Variants in MS4A13 observed in about 807,000 individuals in gnomAD.
The protein encoded by MS4A13 is membrane spanning 4-domains A13.
Under a neutral mutation model 18.4 loss-of-function variants are expected in MS4A13, and 21 were observed. That is an observed-to-expected ratio of 1.14 (90% confidence interval 0.81 to 1.64). The LOEUF (loss-of-function observed/expected upper bound fraction) is 1.64, where lower values mean the gene tolerates loss of function less well. Among genes scored for constraint, MS4A13 ranks in the 40% most tolerant of loss-of-function variants. The probability of loss-of-function intolerance (pLI) is 0.00; values close to 1 mark genes in which losing one functional copy is unlikely to be tolerated. For synonymous variants in MS4A13, 62 were observed against 57.2 expected, an observed-to-expected ratio of 1.08 and a Z score of -0.38; for missense variants, 173 against 176.8, an observed-to-expected ratio of 0.98 and a Z score of 0.12.
chr11:60,530,161 T>C (rs1299165723), intron 6 of MS4A13, among the ~76,000 whole-genome samples: 1 of 152,208 alleles, frequency 6.6e-6, no homozygotes, highest in East Asian at 1.9e-4. Flanking sequence ...TTCTCAAATA[T>C]TTACGGAGAG....
rs1334639396 is a variant in MS4A13 at position 60,542,620 on chromosome 11, T to A, written c.*45T>A. 1 of 1,228,634 alleles carries A rather than the reference T, an allele frequency of 8.1e-7. No homozygotes were observed. The highest frequency in any genetic ancestry group is 1.2e-6 in the Non-Finnish European group (1 of 844,536). The allele number at this position is 1,228,634 out of a possible 1,614,324, so 76.1% of individuals were successfully genotyped here. The stretch of plus-strand genomic sequence containing the variant: ...ATTTTGCTGTTGCTGATGCCTGGTG[T>A]GGGTCCTAATGATATCTCTGTATAA... On this transcript the variant is annotated 3_prime_UTR_variant, in exon 7 of 7. Coordinates refer to ENST00000378186, the MANE Select transcript of MS4A13 (RefSeq NM_001012417.3).
At chr11:60,527,402 C>CTGTGTGTGTG (rs1565212713) in intron 5 of MS4A13, among the ~76,000 whole-genome samples, 230 of 81,326 alleles carry the variant, frequency 2.8e-3, no homozygotes, top group African/African-American at 8.5e-3. Context: ...CTCTCTCTCT[C>CTGTGTGTGTG]TCTCTCTCTG....
chr11:60,532,256 G>T (rs1000102863), intron 6 of MS4A13, among the ~76,000 whole-genome samples: 1 of 152,234 alleles, frequency 6.6e-6, no homozygotes, highest in Non-Finnish European at 1.5e-5. Context: ...TTCCATCTGA[G>T]GTACCAGGTT....
At chr11:60,519,580 C>T (rs148088650) in intron 3 of MS4A13, among the ~76,000 whole-genome samples, 1 of 152,220 alleles carries the variant, frequency 6.6e-6, no homozygotes, top group African/African-American at 2.4e-5. Flanking sequence ...TTTATTTTCA[C>T]ACAGCATTAA....
chr11:60,540,317 T>C (rs2086847076), intron 6 of MS4A13, among the ~76,000 whole-genome samples: 1 of 152,234 alleles, frequency 6.6e-6, no homozygotes, highest in Non-Finnish European at 1.5e-5. Context: ...CCATGTATCA[T>C]AGCTTGCCAA....
chr11:60,527,410 C>G (rs7112654), intron 5 of MS4A13, among the ~76,000 whole-genome samples: 23,745 of 30,472 alleles, frequency 0.78, 9,881 homozygotes, highest in Non-Finnish European at 0.83. Flanking sequence ...CTCTCTCTCT[C>G]TGTGTGTGTG....
chr11:60,535,540 C>T, intron 6 of MS4A13, among the ~76,000 whole-genome samples: 1 of 118,898 alleles, frequency 8.4e-6, no homozygotes, highest in Admixed American at 9.7e-5. Context: ...CAATAGTTTA[C>T]CAACCAAAAA....
intron 1 of MS4A13, 51 bp from the exon 2 acceptor site, chr11:60,515,918 C>T (rs79913929): frequency 6.6e-6 from 1 of 152,134 alleles, no homozygotes; most frequent in Non-Finnish European, 1.5e-5. Context: ...ATCAAACTTA[C>T]GTATTTTCTT....
intron 6 of MS4A13, among the ~76,000 whole-genome samples, chr11:60,535,979 T>G (rs1317085035): frequency 2.4e-4 from 1 of 4,168 alleles, no homozygotes; most frequent in Non-Finnish European, 3.9e-4. Flanking sequence ...CAACAACCCT[T>G]CATGCTAAAA....
At chr11:60,540,726 C>A (rs2086850360) in intron 6 of MS4A13, among the ~76,000 whole-genome samples, 2 of 151,978 alleles carry the variant, frequency 1.3e-5, no homozygotes, top group South Asian at 4.2e-4. Flanking sequence ...TCGGGAAGAC[C>A]ATATGAGCCC....
At chr11:60,516,993 T>C (rs2086641681) in intron 2 of MS4A13, among the ~76,000 whole-genome samples, 1 of 151,304 alleles carries the variant, frequency 6.6e-6, no homozygotes, top group Non-Finnish European at 1.5e-5. Flanking sequence ...TATTAGAGGC[T>C]GGTGATAAAA....
intron 5 of MS4A13, among the ~76,000 whole-genome samples, chr11:60,526,469 G>C (rs2086713933): frequency 6.6e-6 from 1 of 152,202 alleles, no homozygotes; most frequent in Admixed American, 6.5e-5. Flanking sequence ...TTTGCAGTCA[G>C]TGTGACAAAC....
chr11:60,529,254 C>CCT (rs2086743795), intron 5 of MS4A13, 111 bp from the exon 6 acceptor site: 1 of 347,880 alleles, frequency 2.9e-6, no homozygotes, highest in Non-Finnish European at 4.7e-6. Context: ...TATTTTCCTT[C>CCT]CTTTTTTTTT....
intron 6 of MS4A13, among the ~76,000 whole-genome samples, chr11:60,530,070 T>C (rs1590876469): frequency 6.6e-6 from 1 of 152,236 alleles, no homozygotes; most frequent in African/African-American, 2.4e-5. Flanking sequence ...CCCAAAATGC[T>C]ATAACAACTC....
intron 4 of MS4A13, among the ~76,000 whole-genome samples, chr11:60,524,972 A>G (rs995466591): frequency 6.6e-6 from 1 of 152,158 alleles, no homozygotes; most frequent in Non-Finnish European, 1.5e-5. Context: ...AAAAAATACA[A>G]TATGTTTTAG....
intron 3 of MS4A13, among the ~76,000 whole-genome samples, chr11:60,520,422 T>C (rs2086665857): frequency 6.6e-6 from 1 of 152,120 alleles, no homozygotes; most frequent in Non-Finnish European, 1.5e-5. Flanking sequence ...GCCTGTAAAA[T>C]CAATAGCAAG....
At chr11:60,517,247 T>G (rs1279288416) in intron 2 of MS4A13, among the ~76,000 whole-genome samples, 1 of 152,162 alleles carries the variant, frequency 6.6e-6, no homozygotes, top group Non-Finnish European at 1.5e-5. Flanking sequence ...ACTTATATAT[T>G]TCATAGACTG....
intron 4 of MS4A13, 45 bp from the exon 5 acceptor site, chr11:60,525,161 AT>A: frequency 7.0e-7 from 1 of 1,438,464 alleles, no homozygotes; most frequent in Non-Finnish European, 9.7e-7. Flanking sequence ...TTACACCAAA[AT>A]GTTTATTCTG....
At chr11:60,529,255 C>CTTT (rs10667098) in intron 5 of MS4A13, 110 bp from the exon 6 acceptor site, 4,607 of 172,180 alleles carry the variant, frequency 0.027, 268 homozygotes, top group Non-Finnish European at 0.032. Flanking sequence ...ATTTTCCTTC[C>CTTT]TTTTTTTTTT....
Sources: gnomAD v4.1 joint callset for allele counts (sites outside exome capture counted in the v4.1 genomes callset) on GRCh38, gnomAD v4.1.1 for gene constraint, MANE v1.5 for transcripts, NCBI Gene and HGNC (gene_info 2026-07-23, HGNC 2026-07-21) for gene names.